ATP8B4: variants seen among roughly 807,000 people sequenced by gnomAD.
ATP8B4 encodes probable phospholipid-transporting ATPase IM.
A neutral mutation model predicts 145.6 loss-of-function variants in ATP8B4; 133 were observed. The observed-to-expected ratio is 0.91, with a 90% CI of 0.79 to 1.05. The LOEUF (loss-of-function observed/expected upper bound fraction) is 1.05. Ranked by LOEUF, ATP8B4 falls within the 50% of genes least tolerant of loss-of-function variation. The probability of loss-of-function intolerance (pLI) is 0.00; values close to 1 mark genes in which losing one functional copy is unlikely to be tolerated. For missense variants in ATP8B4, 1,458 were observed against 1,425.2 expected, an observed-to-expected ratio of 1.02 and a Z score of -0.37; for synonymous variants, 507 against 492.9, an observed-to-expected ratio of 1.03 and a Z score of -0.38.
At chr15:49,881,117 A>G (rs1342382574) in intron 23 of ATP8B4, among the ~76,000 whole-genome samples, 1 of 84,888 alleles carries the variant, frequency 1.2e-5, no homozygotes, top group Non-Finnish European at 3.3e-5. Context: ...GTCTCAAAAC[A>G]AACAAACAAA....
chr15:50,148,635 T>A (rs2044308261), intron 1 of ATP8B4, among the ~76,000 whole-genome samples: 3 of 152,230 alleles, frequency 2.0e-5, no homozygotes, highest in Non-Finnish European at 2.9e-5. Flanking sequence ...GATCTTGGAC[T>A]TTCTAGCCTC....
chr15:50,005,565 C>A (rs1342721373), intron 7 of ATP8B4, among the ~76,000 whole-genome samples: 1 of 152,104 alleles, frequency 6.6e-6, no homozygotes, highest in Non-Finnish European at 1.5e-5. Context: ...ACCACACCCA[C>A]CAGAAGAACT....
intron 3 of ATP8B4, among the ~76,000 whole-genome samples, chr15:50,055,545 T>A (rs1465594476): frequency 2.0e-5 from 3 of 152,136 alleles, no homozygotes; most frequent in Non-Finnish European, 4.4e-5. Context: ...TTCCTCACTA[T>A]CAAATCATCA....
At chr15:50,171,377 A>C (rs1340515487) in intron 1 of ATP8B4, among the ~76,000 whole-genome samples, 2 of 152,240 alleles carry the variant, frequency 1.3e-5, no homozygotes, top group South Asian at 2.1e-4. Flanking sequence ...ACAGTGGAAT[A>C]AAACTGGAAA....
intron 2 of ATP8B4, among the ~76,000 whole-genome samples, chr15:50,102,247 G>A (rs750664177): frequency 1.3e-5 from 2 of 151,380 alleles, no homozygotes; most frequent in Non-Finnish European, 1.5e-5. Context: ...CAAGATCAGA[G>A]CACACTAAAT....
rs2040010557 is a variant in ATP8B4 at position 49,919,035 on chromosome 15, A to G, written c.1924-85T>C. 8 of 961,856 alleles carry G rather than the reference A, an allele frequency of 8.3e-6. No homozygotes were observed. The Admixed American group carries it at 1.8e-4, about 22-fold the overall frequency. The allele number at this position is 961,856 out of a possible 1,614,324, so 59.6% of individuals were successfully genotyped here. ...TATGGATTTCACTCACAGATTCTGG[A>G]GGCCAAAGAATATTAATTGAAGACA... On this transcript the variant is annotated intron_variant, in intron 18 of 27. Transcript: ENST00000284509.
chr15:50,144,731 C>T (rs1353109452), intron 1 of ATP8B4, among the ~76,000 whole-genome samples: 1 of 150,854 alleles, frequency 6.6e-6, no homozygotes, highest in African/African-American at 2.4e-5. Context: ...TATGAGATGA[C>T]ATCATTTGCA....
At chr15:49,966,665 G>C (rs912516673) in intron 13 of ATP8B4, among the ~76,000 whole-genome samples, 2 of 152,192 alleles carry the variant, frequency 1.3e-5, no homozygotes, top group African/African-American at 4.8e-5. Context: ...CAGCGCACCT[G>C]GGGGAAGGGG....
At chr15:49,995,494 T>A (rs1302665173) in intron 9 of ATP8B4, among the ~76,000 whole-genome samples, 1 of 152,158 alleles carries the variant, frequency 6.6e-6, no homozygotes, top group Non-Finnish European at 1.5e-5. Context: ...GACTTCAATC[T>A]CAATTCGGAG....
At chr15:50,087,893 C>A (rs893525927) in intron 2 of ATP8B4, among the ~76,000 whole-genome samples, 3 of 151,694 alleles carry the variant, frequency 2.0e-5, no homozygotes, top group African/African-American at 7.3e-5. Context: ...AATAAAAGGC[C>A]AAAAATAAAT....
intron 2 of ATP8B4, among the ~76,000 whole-genome samples, chr15:50,086,739 AT>A (rs1284644313): frequency 1.7e-5 from 1 of 57,762 alleles, no homozygotes; most frequent in African/African-American, 1.8e-4. Flanking sequence ...AGAGATCTAT[AT>A]TTATTATATA....
intron 6 of ATP8B4, among the ~76,000 whole-genome samples, chr15:50,030,308 G>A (rs909558048): frequency 5.3e-5 from 8 of 152,104 alleles, no homozygotes. Context: ...AGAACTTGGT[G>A]TATCTTTAAC....
intron 20 of ATP8B4, chr15:49,908,108 T>A (rs1179715848): frequency 2.2e-6 from 1 of 456,066 alleles, no homozygotes; most frequent in East Asian, 6.9e-5. Context: ...ACGATTGAGT[T>A]TCTTAAGAAC....
At chr15:49,972,011 CT>C (rs2045190030) in intron 13 of ATP8B4, among the ~76,000 whole-genome samples, 1 of 152,120 alleles carries the variant, frequency 6.6e-6, no homozygotes, top group Non-Finnish European at 1.5e-5. Context: ...TCTCAGCAAA[CT>C]AACACAGGAA....
intron 2 of ATP8B4, among the ~76,000 whole-genome samples, chr15:50,105,307 C>T (rs6493402): frequency 0.72 from 107,574 of 149,110 alleles, 39,301 homozygotes; most frequent in African/African-American, 0.86. Flanking sequence ...TATGAGGGCA[C>T]GTGTTTGTAT....
At chr15:50,018,557 T>C (rs1004868491) in intron 6 of ATP8B4, among the ~76,000 whole-genome samples, 1 of 152,178 alleles carries the variant, frequency 6.6e-6, no homozygotes, top group Non-Finnish European at 1.5e-5. Context: ...CCGTCAACAA[T>C]GAAGAATACC....
intron 2 of ATP8B4, among the ~76,000 whole-genome samples, chr15:50,079,678 G>A (rs529165128): frequency 6.6e-6 from 1 of 152,336 alleles, no homozygotes; most frequent in African/African-American, 2.4e-5. Context: ...ACACAATTCA[G>A]AGGGGTCTAT....
At chr15:50,049,566 G>T (rs1043273254) in intron 3 of ATP8B4, among the ~76,000 whole-genome samples, 2 of 152,156 alleles carry the variant, frequency 1.3e-5, no homozygotes, top group Non-Finnish European at 2.9e-5. Flanking sequence ...GGGCATCTAG[G>T]TTGACTCCAT....
At chr15:49,975,049 T>A (rs963184086) in intron 12 of ATP8B4, among the ~76,000 whole-genome samples, 3 of 152,186 alleles carry the variant, frequency 2.0e-5, no homozygotes, top group African/African-American at 7.2e-5. Flanking sequence ...CATTTATTTT[T>A]CCTGATAGAA....
Sources: gnomAD v4.1 joint callset for allele counts (sites outside exome capture counted in the v4.1 genomes callset) on GRCh38, gnomAD v4.1.1 for gene constraint, MANE v1.5 for transcripts, NCBI Gene and HGNC (gene_info 2026-07-23, HGNC 2026-07-21) for gene names.